Variants in LRRC4C observed in about 807,000 individuals in gnomAD.
The protein encoded by LRRC4C is leucine rich repeat containing 4C.
A neutral mutation model predicts 33.6 loss-of-function variants in LRRC4C; 5 were observed. The ratio of observed to expected loss-of-function variants is 0.15; its 90% CI spans 0.08 to 0.31. LRRC4C has a LOEUF of 0.31. Among genes scored for constraint, LRRC4C ranks in the 10% least tolerant of loss-of-function variants. The pLI, the probability that LRRC4C is intolerant of heterozygous loss-of-function variation, is 1.00. For missense variants in LRRC4C, 560 were observed against 796.7 expected (o/e 0.70, Z 3.58); for synonymous variants, 329 against 302.0 (o/e 1.09, Z -0.93).
intron 2 of LRRC4C, among the ~76,000 whole-genome samples, chr11:40,768,709 A>G (rs1420022114): frequency 1.3e-5 from 2 of 152,166 alleles, no homozygotes; most frequent in African/African-American, 2.4e-5. Flanking sequence ...AGTGTGATAC[A>G]TTGTATTAAC....
At chr11:40,710,915 C>T (rs981908626) in intron 2 of LRRC4C, among the ~76,000 whole-genome samples, 1 of 152,206 alleles carries the variant, frequency 6.6e-6, no homozygotes, top group Non-Finnish European at 1.5e-5. Flanking sequence ...TGTGGATGCT[C>T]CTCCCCTAGT....
chr11:40,329,267 G>A (rs1279509102), intron 3 of LRRC4C, among the ~76,000 whole-genome samples: 1 of 152,218 alleles, frequency 6.6e-6, no homozygotes, highest in East Asian at 1.9e-4. Flanking sequence ...TAGTCATGCA[G>A]TGATGTCACA....
chr11:40,405,868 G>A (rs1949946964), intron 3 of LRRC4C, among the ~76,000 whole-genome samples: 1 of 151,746 alleles, frequency 6.6e-6, no homozygotes, highest in Admixed American at 6.6e-5. Context: ...AGAAAATAGA[G>A]GAACCACAAG....
intron 1 of LRRC4C, among the ~76,000 whole-genome samples, chr11:41,094,705 A>T (rs547972671): frequency 1.1e-3 from 169 of 152,218 alleles, no homozygotes; most frequent in African/African-American, 3.7e-3. Context: ...TGTTTTTCAC[A>T]TTAAAATGTA....
At chr11:40,410,793 G>T (rs1242159620) in intron 3 of LRRC4C, among the ~76,000 whole-genome samples, 3 of 152,056 alleles carry the variant, frequency 2.0e-5, no homozygotes, top group African/African-American at 7.2e-5. Flanking sequence ...TTCCACTTCG[G>T]AGCAGAAAGA....
chr11:41,371,720 A>C (rs1952754023), intron 1 of LRRC4C, among the ~76,000 whole-genome samples: 2 of 152,258 alleles, frequency 1.3e-5, no homozygotes, highest in African/African-American at 4.8e-5. Context: ...CCAAGGATAT[A>C]GTAAAACTTT....
intron 1 of LRRC4C, among the ~76,000 whole-genome samples, chr11:41,111,687 G>A (rs1054995446): frequency 4.6e-5 from 7 of 151,928 alleles, no homozygotes; most frequent in Admixed American, 2.0e-4. Flanking sequence ...TGGTTGGAAC[G>A]TAGGAATTTG....
chr11:40,701,932 G>A (rs1485788009), intron 2 of LRRC4C, among the ~76,000 whole-genome samples: 4 of 151,808 alleles, frequency 2.6e-5, no homozygotes, highest in Non-Finnish European at 5.9e-5. Flanking sequence ...TAGAAATAGT[G>A]AATTTCTTAA....
intron 1 of LRRC4C, among the ~76,000 whole-genome samples, chr11:41,238,209 A>G (rs11036302): frequency 0.046 from 6,930 of 152,212 alleles, 200 homozygotes; most frequent in South Asian, 0.074. Flanking sequence ...AATTTTGTGT[A>G]GTTCTTTATT....
intron 3 of LRRC4C, among the ~76,000 whole-genome samples, chr11:40,500,963 T>C (rs1954736721): frequency 6.6e-6 from 1 of 152,172 alleles, no homozygotes; most frequent in African/African-American, 2.4e-5. Context: ...ACTTCCTAGA[T>C]ACATTGGGGA....
chr11:40,843,595 C>A, intron 2 of LRRC4C, among the ~76,000 whole-genome samples: 1 of 152,112 alleles, frequency 6.6e-6, no homozygotes, highest in East Asian at 1.9e-4. Context: ...CTTCCTTTCT[C>A]TAAAGTAGTA....
At chr11:40,629,326 C>A (rs527408510) in intron 3 of LRRC4C, among the ~76,000 whole-genome samples, 1 of 152,162 alleles carries the variant, frequency 6.6e-6, no homozygotes, top group South Asian at 2.1e-4. Flanking sequence ...GTTTTGTAAT[C>A]ATCACAACCA....
intron 2 of LRRC4C, among the ~76,000 whole-genome samples, chr11:40,797,614 T>G (rs1950885931): frequency 6.6e-6 from 1 of 152,166 alleles, no homozygotes; most frequent in Non-Finnish European, 1.5e-5. Flanking sequence ...CTCAAAAATC[T>G]CTACAAGATG....
chr11:41,274,547 C>A (rs1949419851), intron 1 of LRRC4C, among the ~76,000 whole-genome samples: 1 of 152,108 alleles, frequency 6.6e-6, no homozygotes, highest in South Asian at 2.1e-4. Context: ...GCCAACTGGA[C>A]TTCCTGGATG....
At chr11:40,835,062 T>C (rs1049036026) in intron 2 of LRRC4C, among the ~76,000 whole-genome samples, 2 of 152,070 alleles carry the variant, frequency 1.3e-5, no homozygotes, top group African/African-American at 4.8e-5. Flanking sequence ...TGTCCCAAAC[T>C]GTAGGACTAT....
intron 2 of LRRC4C, among the ~76,000 whole-genome samples, chr11:40,781,892 G>A (rs940521344): frequency 1.3e-5 from 2 of 152,160 alleles, no homozygotes; most frequent in East Asian, 1.9e-4. Flanking sequence ...AAAGTGAAAT[G>A]CCAGGCTTTC....
chr11:40,375,803 A>G lies in LRRC4C; in HGVS notation c.-269-56082T>C, dbSNP rs189837389. Among the ~76,000 whole-genome samples, 281 of 152,272 alleles carry G rather than the reference A, an allele frequency of 1.8e-3. 1 individual carries two copies. Among genetic ancestry groups the G allele is most frequent in the Middle Eastern group, 0.01 (3 of 294 alleles). On this transcript the variant is annotated intron_variant, in intron 3 of 6. Transcript: ENST00000528697. ...ACGCTTGGGAGTAGACAGACAGGCT[A>G]CCACGGGAGTCACGTGCTTAATCTC...
intron 3 of LRRC4C, among the ~76,000 whole-genome samples, chr11:40,444,044 T>G (rs1951514826): frequency 6.6e-6 from 1 of 152,212 alleles, no homozygotes; most frequent in South Asian, 2.1e-4. Context: ...GAAAATAATT[T>G]AGGGATGCCT....
intron 3 of LRRC4C, among the ~76,000 whole-genome samples, chr11:40,607,787 C>A (rs1230790899): frequency 6.6e-6 from 1 of 152,098 alleles, no homozygotes; most frequent in Non-Finnish European, 1.5e-5. Flanking sequence ...TAACACAAGC[C>A]ACCTGCCGAT....
Sources: allele counts gnomAD v4.1 joint callset (sites outside exome capture counted in the v4.1 genomes callset), GRCh38; gene constraint gnomAD v4.1.1; transcripts MANE v1.5; gene names NCBI Gene and HGNC (gene_info 2026-07-23, HGNC 2026-07-21).